ERCC2: variants seen among roughly 807,000 people sequenced by gnomAD.
ERCC2 encodes the protein general transcription and DNA repair factor IIH helicase subunit XPD.
ERCC2 carries 90 observed loss-of-function variants against 99.4 expected under a neutral mutation model. The ratio of observed to expected loss-of-function variants is 0.91; its 90% CI spans 0.76 to 1.08. ERCC2 has a LOEUF of 1.08. ERCC2 is among the 50% of genes least tolerant of loss of function. The probability of loss-of-function intolerance (pLI) is 0.00; values close to 1 mark genes in which losing one functional copy is unlikely to be tolerated. For synonymous variants in ERCC2, 497 were observed against 432.4 expected (o/e 1.15, Z -1.85); for missense variants, 993 against 1,038.1 (o/e 0.96, Z 0.60).
rs567314216 is a variant in ERCC2 at position 45,359,659 on chromosome 19, C to T, written c.1237+1865G>A. 1.8e-3 allele frequency among the ~76,000 whole-genome samples: 270 copies of T among 152,334 alleles called. 1 individual carries two copies. Among genetic ancestry groups the T allele is most frequent in the African/African-American group, 6.4e-3 (265 of 41,584 alleles). On this transcript the variant is annotated intron_variant, in intron 12 of 22. Coordinates refer to ENST00000391945, the MANE Select transcript of ERCC2 (RefSeq NM_000400.4). ...ATCCCAGCCTCTCTACCTCCCACAT[C>T]TCTCTCCAAACCATACCTTTCTCTC...
chr19:45,355,413 C>T (rs1454861881), intron 16 of ERCC2, among the ~76,000 whole-genome samples: 2 of 152,228 alleles, frequency 1.3e-5, no homozygotes, highest in Non-Finnish European at 2.9e-5. Flanking sequence ...GTGCACAATA[C>T]ACTGTGACCA....
At position 45,352,285 on chromosome 19, in the gene ERCC2, T is replaced by G. The variant is rs140296400; in HGVS notation, c.2114A>C (p.Asn705Thr). The G allele has an allele frequency of 1.2e-6, 2 of 1,614,010 alleles. No individual in the cohort carries two copies. Among genetic ancestry groups the G allele is most frequent in the African/African-American group, 1.3e-5 (1 of 74,992 alleles). Residue 705 changes from asparagine (N) to threonine (T), a missense_variant, in exon 22 of 23, where the codon AAC becomes ACC. Coordinates refer to ENST00000391945, the MANE Select transcript of ERCC2 (RefSeq NM_000400.4). ...RWIQEHLTDA[N>T]LNLTVDEGVQ... ...ACCCTCGTCCACGGTCAGGTTGAGG[T>G]TGGCATCTGTGAGGTGCTCCTGGAT...
intron 11 of ERCC2, among the ~76,000 whole-genome samples, chr19:45,362,312 C>T (rs560433279): frequency 6.6e-6 from 1 of 152,300 alleles, no homozygotes; most frequent in South Asian, 2.1e-4. Context: ...CACATGGTCA[C>T]GCATTCACAC....
chr19:45,360,141 C>T (rs1434245641), intron 12 of ERCC2, among the ~76,000 whole-genome samples: 1 of 149,438 alleles, frequency 6.7e-6, no homozygotes, highest in African/African-American at 2.5e-5. Context: ...AGTGCAGTGG[C>T]ACGATCTCGG....
chr19:45,350,430 C>A lies in ERCC2; in HGVS notation c.*1199G>T, dbSNP rs201301675. On this transcript the variant is annotated 3_prime_UTR_variant, in exon 23 of 23. Transcript: ENST00000391945. ...ACAAGGAGGACCTACCCGCCCCTCT[C>A]GGTGAGCCCCTAGCCCCTGTCTGTC... 1.8e-5 allele frequency: 29 copies of A among 1,613,726 alleles called. No homozygotes were observed. In the African/African-American group the frequency reaches 2.4e-4, roughly 13 times the overall value.
Position 45,370,163 on chromosome 19 carries a change from C to G in ERCC2, c.75G>C (p.Met25Ile), listed in dbSNP as rs1972557729. The G allele has an allele frequency of 5.6e-6, 9 of 1,613,354 alleles. No individual in the cohort carries two copies. Among genetic ancestry groups the G allele is most frequent in the Non-Finnish European group, 7.6e-6 (9 of 1,179,438 alleles). The part of the protein sequence containing the change: ...DYIYPEQFSY[M>I]RELKRTLDAK... ...CGTCCAGCGTGCGTTTGAGCTCCCGCATGTAGGAGAACTGCTCGGGGTAGA... is the reference window on the plus strand; with the variant it reads ...CGTCCAGCGTGCGTTTGAGCTCCCGGATGTAGGAGAACTGCTCGGGGTAGA... Residue 25 changes from methionine to isoleucine, a missense_variant, in exon 2 of 23, where the codon ATG (methionine) becomes ATC (isoleucine). Physicochemically the swap from Met to Ile is conservative, Grantham distance 10 (BLOSUM62 1). Around this residue, in one of 3 missense-constraint regions of ERCC2, gnomAD observed 55 missense variants for 45.1 expected, o/e 1.22. Coordinates refer to ENST00000391945, the MANE Select transcript of ERCC2 (RefSeq NM_000400.4).
Position 45,350,552 on chromosome 19 carries a change from G to C in ERCC2, c.*1077C>G. On this transcript the variant is annotated 3_prime_UTR_variant, in exon 23 of 23. Coordinates refer to ENST00000391945, the MANE Select transcript of ERCC2 (RefSeq NM_000400.4). ...AGGCACAGCTGGTGACGCAGAACAG[G>C]TGAGGATGGGCTGTGCTTCGGCTCC... The C allele has an allele frequency of 6.2e-7, 1 of 1,613,986 alleles. No individual in the cohort carries two copies. Among genetic ancestry groups the C allele is most frequent in the Non-Finnish European group, 8.5e-7 (1 of 1,179,978 alleles).
At chr19:45,351,803 C>CCG in intron 22 of ERCC2, 82 bp from the exon 23 acceptor site, 1 of 1,208,808 alleles carries the variant, frequency 8.3e-7, no homozygotes. Flanking sequence ...AACCACCCCC[C>CCG]CGAATGGCCA....
At chr19:45,366,376 A>C (rs1405489472) in intron 5 of ERCC2, among the ~76,000 whole-genome samples, 1 of 152,058 alleles carries the variant, frequency 6.6e-6, no homozygotes, top group Non-Finnish European at 1.5e-5. Context: ...TCCTGATCTC[A>C]GGTGATCCAC....
chr19:45,351,810 G>C (rs1313478680), intron 22 of ERCC2, 89 bp from the exon 23 acceptor site: 4 of 1,126,650 alleles, frequency 3.6e-6, no homozygotes, highest in African/African-American at 3.0e-5. Flanking sequence ...CCCCCGAATG[G>C]CCAGTAGGGA....
At chr19:45,355,631 G>C in intron 16 of ERCC2, 34 bp downstream of exon 16, 9 of 1,594,792 alleles carry the variant, frequency 5.6e-6, no homozygotes, top group Non-Finnish European at 7.7e-6. Context: ...TCCCCTCTTG[G>C]AACCCACAGA....
chr19:45,353,200 C>A (rs758255239), intron 18 of ERCC2, 42 bp downstream of exon 18: 1 of 1,611,382 alleles, frequency 6.2e-7, no homozygotes. Context: ...CTCCTCAGAG[C>A]CACCTCCCCG....
chr19:45,363,295 C>G (rs1173574688), intron 11 of ERCC2, among the ~76,000 whole-genome samples: 1 of 152,104 alleles, frequency 6.6e-6, no homozygotes, highest in Admixed American at 6.5e-5. Context: ...GGGGACACCT[C>G]CTCCAGCTCC....
chr19:45,352,089 C>A, intron 22 of ERCC2, 120 bp downstream of exon 22: 1 of 1,203,598 alleles, frequency 8.3e-7, no homozygotes, highest in African/African-American at 1.5e-5. Context: ...CGATAAACTT[C>A]TCTTTGCTGA....
Position 45,352,246 on chromosome 19 carries a change from T to A in ERCC2, c.2153A>T (p.Lys718Met). 1.2e-6 allele frequency: 2 copies of A among 1,614,088 alleles called. No individual in the cohort carries two copies. Among genetic ancestry groups the A allele is most frequent in the African/African-American group, 1.3e-5 (1 of 75,038 alleles). Residue 718 changes from lysine (K) to methionine (M), a missense_variant, in exon 22 of 23, where the codon AAG becomes ATG. By Grantham distance (95) the Lys-to-Met change is moderately conservative. Coordinates refer to ENST00000391945, the MANE Select transcript of ERCC2 (RefSeq NM_000400.4). ...CTGTGCCATCTGCCGCAGGAAGTACTTGGCCACCTGGACACCCTCGTCCAC... is the reference window on the plus strand; with the variant it reads ...CTGTGCCATCTGCCGCAGGAAGTACATGGCCACCTGGACACCCTCGTCCAC... ...LTVDEGVQVAKYFLRQMAQPF... is the reference protein window; with the variant it reads ...LTVDEGVQVAMYFLRQMAQPF...
intron 12 of ERCC2, 128 bp from the exon 13 acceptor site, chr19:45,357,827 C>T (rs546021131): frequency 2.5e-5 from 21 of 843,942 alleles, no homozygotes; most frequent in East Asian, 1.9e-4. Context: ...GGAGTAAATG[C>T]GACCAAACAT....
intron 15 of ERCC2, among the ~76,000 whole-genome samples, chr19:45,356,567 C>T (rs1354895357): frequency 2.6e-5 from 4 of 152,134 alleles, no homozygotes; most frequent in East Asian, 1.9e-4. Flanking sequence ...CCCAGCACTT[C>T]GGGAGGACCA....
At chr19:45,353,481 A>C in intron 17 of ERCC2, 147 bp from the exon 18 acceptor site, 1 of 677,690 alleles carries the variant, frequency 1.5e-6, no homozygotes, top group Non-Finnish European at 2.7e-6. Flanking sequence ...GAATTGTCCA[A>C]CCTCAGTTCT....
At chr19:45,354,608 C>T (rs1468126450) in intron 17 of ERCC2, 122 bp downstream of exon 17, 61 of 1,281,148 alleles carry the variant, frequency 4.8e-5, no homozygotes, top group Middle Eastern at 2.6e-4. Context: ...ACATGCTGCA[C>T]ACACTCTCCT....
Sources: gnomAD v4.1 joint callset for allele counts (sites outside exome capture counted in the v4.1 genomes callset) on GRCh38, gnomAD v4.1.1 for gene constraint, gnomAD v4.1.1 regional missense constraint, MANE v1.5 for transcripts, NCBI Gene and HGNC (gene_info 2026-07-23, HGNC 2026-07-21) for gene names.